Variants in DSCAML1 observed in about 807,000 individuals in gnomAD.
DSCAML1 encodes DS cell adhesion molecule like 1, also known as cell adhesion molecule DSCAML1.
A neutral mutation model predicts 200.5 loss-of-function variants in DSCAML1; 38 were observed. The observed-to-expected ratio is 0.19, with a 90% CI of 0.15 to 0.25. DSCAML1 has a LOEUF of 0.25. Among genes scored for constraint, DSCAML1 ranks in the 10% least tolerant of loss-of-function variants. The probability of loss-of-function intolerance (pLI) is 1.00; values close to 1 mark genes in which losing one functional copy is unlikely to be tolerated. For synonymous variants in DSCAML1, 1,215 were observed against 1,165.0 expected (o/e 1.04, Z -0.87); for missense variants, 2,223 against 2,858.8 (o/e 0.78, Z 5.07).
rs2049450659 is a variant in DSCAML1, at chr11:117,504,295, T to TG, written c.2183-275dup. 6.6e-6 allele frequency among the ~76,000 whole-genome samples: 1 copy of TG among 152,142 alleles called. No homozygotes were observed. The highest frequency in any genetic ancestry group is 6.5e-5 in the Admixed American group (1 of 15,282). On this transcript the variant is annotated intron_variant, in intron 10 of 32. Coordinates refer to ENST00000651296, the MANE Select transcript of DSCAML1 (RefSeq NM_020693.4). This position sits in a 1 kb window ranked among gnomAD's most constrained non-coding sequence, Gnocchi z 5.0. ...CTTTGACACTGGCATGGAGCTTCTT[T>TG]GGGGTAAATTCCTTGGAGAGGAAGA...
intron 3 of DSCAML1, among the ~76,000 whole-genome samples, chr11:117,633,711 G>A (rs982797640): frequency 2.6e-5 from 4 of 152,176 alleles, no homozygotes; most frequent in African/African-American, 9.7e-5. Context: ...TCCCTCCTTG[G>A]GATTGAAGGG....
At chr11:117,776,381 C>T (rs1047193993) in intron 3 of DSCAML1, among the ~76,000 whole-genome samples, 4 of 152,116 alleles carry the variant, frequency 2.6e-5, no homozygotes, top group Non-Finnish European at 4.4e-5. Flanking sequence ...TTTAGTCACA[C>T]GACGCAGGAA....
chr11:117,437,791 C>T lies in DSCAML1; in HGVS notation c.4432+104G>A, dbSNP rs1404493038. On this transcript the variant is annotated intron_variant, in intron 25 of 32. Transcript: ENST00000651296. This position sits in a 1 kb window ranked among gnomAD's most constrained non-coding sequence, Gnocchi z 5.3. ...CTTCAGTCTCCCTGCATCCCTGGAC[C>T]CCTCCTTCCCCACCCCAGCCACCTT... 4.0e-6 allele frequency: 5 copies of T among 1,264,832 alleles called. No homozygotes were observed. The African/African-American group carries it at 7.5e-5, about 19-fold the overall frequency. 78.4% of individuals were successfully genotyped at this position (1,264,832 alleles called of 1,614,324 possible). A position where few individuals can be genotyped will look rare whatever the true frequency, so the allele number is the denominator to read the frequency against.
intron 3 of DSCAML1, among the ~76,000 whole-genome samples, chr11:117,623,143 A>T (rs921401029): frequency 1.3e-5 from 2 of 152,118 alleles, no homozygotes; most frequent in Non-Finnish European, 2.9e-5. Context: ...GCATCAACTG[A>T]AATCTCCTGC....
At chr11:117,796,363 G>A (rs1426384448) in intron 1 of DSCAML1, among the ~76,000 whole-genome samples, 1 of 152,232 alleles carries the variant, frequency 6.6e-6, no homozygotes, top group Non-Finnish European at 1.5e-5. Context: ...GGTGGCCACG[G>A]TGGCGCACCA....
intron 3 of DSCAML1, among the ~76,000 whole-genome samples, chr11:117,678,745 T>C (rs1415700086): frequency 6.6e-6 from 1 of 152,084 alleles, no homozygotes; most frequent in Non-Finnish European, 1.5e-5. Flanking sequence ...GACAATGGCA[T>C]GCGCCAGAAG....
chr11:117,584,794 A>G (rs1336280799), intron 3 of DSCAML1, among the ~76,000 whole-genome samples: 1 of 152,200 alleles, frequency 6.6e-6, no homozygotes, highest in Non-Finnish European at 1.5e-5. Flanking sequence ...CAACTGCAAT[A>G]TAGTGGCATA....
intron 3 of DSCAML1, among the ~76,000 whole-genome samples, chr11:117,748,917 T>C (rs2054558451): frequency 6.6e-6 from 1 of 152,186 alleles, no homozygotes; most frequent in Non-Finnish European, 1.5e-5. Flanking sequence ...CAGTTGTTGG[T>C]CTGAGCTGGC....
intron 26 of DSCAML1, among the ~76,000 whole-genome samples, chr11:117,436,225 A>G (rs1403559551): frequency 6.6e-6 from 1 of 152,068 alleles, no homozygotes; most frequent in African/African-American, 2.4e-5. Flanking sequence ...GGAGACAAAA[A>G]CCACTACAAA....
chr11:117,537,054 AG>A (rs2050184891), intron 3 of DSCAML1, among the ~76,000 whole-genome samples: 1 of 152,252 alleles, frequency 6.6e-6, no homozygotes. Flanking sequence ...AGAAGGTGGT[AG>A]AGCCTGGACC....
intron 3 of DSCAML1, among the ~76,000 whole-genome samples, chr11:117,630,713 G>A (rs999714386): frequency 6.7e-6 from 1 of 149,342 alleles, no homozygotes; most frequent in Non-Finnish European, 1.5e-5. Flanking sequence ...AGGCAGGGCC[G>A]GTGTCTGAAA....
At chr11:117,812,571 T>C (rs1055977278) in intron 1 of DSCAML1, among the ~76,000 whole-genome samples, 2 of 151,924 alleles carry the variant, frequency 1.3e-5, no homozygotes, top group African/African-American at 4.8e-5. Flanking sequence ...CTCTCTTCGC[T>C]TCACTTGGAC....
At position 117,612,314 on chromosome 11, in the gene DSCAML1, G is replaced by A. The variant is rs556762377; in HGVS notation, c.512-79792C>T. Among the ~76,000 whole-genome samples, 477 of 152,224 alleles carry A rather than the reference G, an allele frequency of 3.1e-3. 1 individual carries two copies. The highest frequency in any genetic ancestry group is 5.5e-3 in the Non-Finnish European group (377 of 68,010). The stretch of plus-strand genomic sequence containing the variant: ...TTCAGACTGCATTATTCCCACGCCG[G>A]AACCCAGGCAACATCATCAGACAAG... On this transcript the variant is annotated intron_variant, in intron 3 of 32. Coordinates refer to ENST00000651296, the MANE Select transcript of DSCAML1 (RefSeq NM_020693.4).
chr11:117,662,249 G>A (rs990093700), intron 3 of DSCAML1, among the ~76,000 whole-genome samples: 7 of 152,248 alleles, frequency 4.6e-5, no homozygotes, highest in Non-Finnish European at 8.8e-5. Flanking sequence ...ATTCAGAGAA[G>A]AGAAGGCTGA....
At chr11:117,675,714 G>A (rs1217716593) in intron 3 of DSCAML1, among the ~76,000 whole-genome samples, 1 of 151,940 alleles carries the variant, frequency 6.6e-6, no homozygotes, top group Non-Finnish European at 1.5e-5. Context: ...CCCCAGCAAA[G>A]GCCAAAACTG....
chr11:117,804,838 G>A (rs1016368836), intron 1 of DSCAML1, among the ~76,000 whole-genome samples: 2 of 152,184 alleles, frequency 1.3e-5, no homozygotes, highest in Non-Finnish European at 2.9e-5. Context: ...GTTGAGGTGG[G>A]AGGATCTTCT....
intron 4 of DSCAML1, among the ~76,000 whole-genome samples, chr11:117,528,932 G>GCC (rs150220972): frequency 6.3e-5 from 5 of 79,400 alleles, no homozygotes; most frequent in Admixed American, 5.8e-4. Context: ...GCCGCCCCCC[G>GCC]CCCCCCCCCT....
At chr11:117,561,118 G>T (rs2050654779) in intron 3 of DSCAML1, among the ~76,000 whole-genome samples, 1 of 152,224 alleles carries the variant, frequency 6.6e-6, no homozygotes, top group African/African-American at 2.4e-5. Context: ...GAACATGTCT[G>T]TGCCTCTGGG....
chr11:117,602,307 G>C (rs961854566), intron 3 of DSCAML1, among the ~76,000 whole-genome samples: 1 of 152,234 alleles, frequency 6.6e-6, no homozygotes, highest in Non-Finnish European at 1.5e-5. Context: ...GTCTTGGCAT[G>C]AGTGTGTGTT....
Sources: gnomAD v4.1 joint callset for allele counts (sites outside exome capture counted in the v4.1 genomes callset) on GRCh38, gnomAD v4.1.1 for gene constraint, Gnocchi (gnomAD v3.1) non-coding constraint, MANE v1.5 for transcripts, NCBI Gene and HGNC (gene_info 2026-07-23, HGNC 2026-07-21) for gene names.